Variants in SLC38A2 observed in about 807,000 individuals in gnomAD.
The protein encoded by SLC38A2 is sodium-coupled neutral amino acid symporter 2.
In SLC38A2, 11 loss-of-function variants were observed where a neutral mutation model predicts 61.5. The observed-to-expected ratio is 0.18, with a 90% CI of 0.11 to 0.30. The LOEUF is 0.30. SLC38A2 is among the 10% of genes least tolerant of loss of function. The pLI, the probability that SLC38A2 is intolerant of heterozygous loss-of-function variation, is 1.00. For synonymous variants in SLC38A2, 217 were observed against 212.5 expected (o/e 1.02, Z -0.18); for missense variants, 522 against 600.4 (o/e 0.87, Z 1.36).
In SLC38A2 at chr12:46,370,386, CTTTTAA is replaced by C. The variant is rs1943182369; in HGVS notation, c.314+120_314+125del. 4.3e-6 allele frequency: 3 copies of C among 705,624 alleles called. No individual in the cohort carries two copies. The Admixed American group carries it at 7.5e-5, about 18-fold the overall frequency. 43.7% of individuals were successfully genotyped at this position (705,624 alleles called of 1,614,324 possible). ...AAGAGATTTTTTGGGGTTTCTCATA[CTTTTAA>C]TTTTAAGCAAGTAACTTTTGAGTCA... On this transcript the variant is annotated intron_variant, in intron 4 of 15. Transcript: ENST00000256689.
intron 15 of SLC38A2, 136 bp downstream of exon 15, chr12:46,362,148 T>G: frequency 1.5e-6 from 1 of 676,342 alleles, no homozygotes; most frequent in Non-Finnish European, 2.4e-6. Context: ...ATCTGTGAAG[T>G]ATACCATTAC....
chr12:46,362,888 AG>A lies in SLC38A2; in HGVS notation c.1179+132del, dbSNP rs557813447. 4.1e-4 allele frequency: 476 copies of A among 1,162,902 alleles called. 1 individual carries two copies. Among genetic ancestry groups the A allele is most frequent in the African/African-American group, 3.9e-3 (250 of 63,630 alleles). 72.0% of individuals were successfully genotyped at this position (1,162,902 alleles called of 1,614,324 possible). On this transcript the variant is annotated intron_variant, in intron 13 of 15. Coordinates refer to ENST00000256689, the MANE Select transcript of SLC38A2 (RefSeq NM_018976.5). ...GAAAATATACACTGTATTTTTAAAA[AG>A]CCCCTTCAAAACCACCACCAACTTA...
In SLC38A2 at chr12:46,372,529, C is replaced by T; in HGVS notation, c.-107G>A. 3 of 389,440 alleles carry T rather than the reference C, an allele frequency of 7.7e-6. No individual in the cohort carries two copies. The Admixed American group carries it at 1.3e-4, about 17-fold the overall frequency. The allele number at this position is 389,440 out of a possible 1,614,324, so 24.1% of individuals were successfully genotyped here. On this transcript the variant is annotated 5_prime_UTR_variant, in exon 1 of 16. The change creates a new upstream start codon in the 5' untranslated region. Transcript: ENST00000256689. ...GTTACCTCGGTGGTCTCTATTCTCA[C>T]GCAGACGTCTTCAGTGGGTTTCTCT...
chr12:46,360,964 T>G lies in SLC38A2; in HGVS notation c.*147A>C. ...AAAAAAACAAAACAAAACAAAAAAGTTCACTTATTCTGCACTCAGAAGAAC... is the reference window on the plus strand; with the variant it reads ...AAAAAAACAAAACAAAACAAAAAAGGTCACTTATTCTGCACTCAGAAGAAC... On this transcript the variant is annotated 3_prime_UTR_variant, in exon 16 of 16. Transcript: ENST00000256689. 1.7e-6 allele frequency: 1 copy of G among 591,286 alleles called. No individual in the cohort carries two copies. 36.6% of individuals were successfully genotyped at this position (591,286 alleles called of 1,614,324 possible).
chr12:46,361,611 A>G (rs1168834194), intron 15 of SLC38A2, among the ~76,000 whole-genome samples: 1 of 152,148 alleles, frequency 6.6e-6, no homozygotes, highest in East Asian at 1.9e-4. Flanking sequence ...CTAATTCCTA[A>G]ATCCTACCCT....
chr12:46,368,964 C>T (rs1943166890), intron 4 of SLC38A2, among the ~76,000 whole-genome samples: 1 of 152,118 alleles, frequency 6.6e-6, no homozygotes, highest in African/African-American at 2.4e-5. Flanking sequence ...TTCCTCTATA[C>T]CTCTAAATAT....
chr12:46,364,372 T>A lies in SLC38A2; in HGVS notation c.873+17A>T. On this transcript the variant is annotated intron_variant, in intron 10 of 15. Coordinates refer to ENST00000256689, the MANE Select transcript of SLC38A2 (RefSeq NM_018976.5). The stretch of plus-strand genomic sequence containing the variant: ...TCCCTAAACTCTTCTTTTGAGAAAA[T>A]AAGCATATTTAGTTACCTGTGAGTT... 6.4e-7 allele frequency: 1 copy of A among 1,558,240 alleles called. No individual in the cohort carries two copies. The highest frequency in any genetic ancestry group is 1.4e-5 in the African/African-American group (1 of 72,344).
At chr12:46,372,102 C>T (rs1943209791) in intron 1 of SLC38A2, among the ~76,000 whole-genome samples, 1 of 152,238 alleles carries the variant, frequency 6.6e-6, no homozygotes, top group Non-Finnish European at 1.5e-5. Context: ...TCGTCTTCCC[C>T]AATCTTGGCC....
chr12:46,365,988 A>T (rs1428345813), intron 7 of SLC38A2, among the ~76,000 whole-genome samples: 3 of 152,176 alleles, frequency 2.0e-5, no homozygotes. Context: ...AGATCAGCTT[A>T]AAAAATTAAA....
At position 46,358,689 on chromosome 12, in the gene SLC38A2, CATT is replaced by C. The variant is rs1943048239; in HGVS notation, c.*2419_*2421del. 6.6e-6 allele frequency: 1 copy of C among 152,550 alleles called. No individual in the cohort carries two copies. Among genetic ancestry groups the C allele is most frequent in the Non-Finnish European group, 1.5e-5 (1 of 68,030 alleles). The allele number at this position is 152,550 out of a possible 1,614,324, so 9.4% of individuals were successfully genotyped here. On this transcript the variant is annotated 3_prime_UTR_variant, in exon 16 of 16. Transcript: ENST00000256689. ...ACTTGAACCCAAGACCCAAACCTGA[CATT>C]ATATACAACCTATTTACAAATACAT... is the stretch of plus-strand genomic sequence containing the variant.
chr12:46,371,161 G>T lies in SLC38A2; in HGVS notation c.116+17C>A, dbSNP rs1319998853. ...CCATGCAAGCCGTTTTTTCAAAAGT[G>T]TCACAACTTCTCCCACCTTTTCAGA... On this transcript the variant is annotated intron_variant, in intron 2 of 15. Transcript: ENST00000256689. 6.2e-7 allele frequency: 1 copy of T among 1,611,462 alleles called. No individual in the cohort carries two copies. The highest frequency in any genetic ancestry group is 8.5e-7 in the Non-Finnish European group (1 of 1,177,602).
rs1050336936 is a variant in SLC38A2, at chr12:46,360,436, A to C, written c.*675T>G. On this transcript the variant is annotated 3_prime_UTR_variant, in exon 16 of 16. Transcript: ENST00000256689. ...TTAAATGGAAAAAACTATGCTCCTA[A>C]TTCATGGTACAATTTTTCATTACAT... 3 of 152,162 alleles carry C rather than the reference A, an allele frequency of 2.0e-5. No individual in the cohort carries two copies. The highest frequency in any genetic ancestry group is 7.2e-5 in the African/African-American group (3 of 41,452). The allele number at this position is 152,162 out of a possible 1,614,324, so 9.4% of individuals were successfully genotyped here. A position where few individuals can be genotyped will look rare whatever the true frequency, so the allele number is the denominator to read the frequency against.
intron 12 of SLC38A2, 42 bp downstream of exon 12, chr12:46,363,684 T>C: frequency 7.7e-7 from 1 of 1,299,552 alleles, no homozygotes; most frequent in Non-Finnish European, 1.1e-6. Context: ...AAGCGTTTTT[T>C]TTTGTTTTTG....
At chr12:46,368,940 G>C (rs1193271559) in intron 4 of SLC38A2, among the ~76,000 whole-genome samples, 1 of 152,146 alleles carries the variant, frequency 6.6e-6, no homozygotes, top group East Asian at 1.9e-4. Context: ...CAGCCATGTG[G>C]TTTTTGGCCC....
intron 1 of SLC38A2, among the ~76,000 whole-genome samples, chr12:46,372,042 G>A (rs1943209109): frequency 6.6e-6 from 1 of 152,140 alleles, no homozygotes. Flanking sequence ...TCCTATGTCC[G>A]GAAAGAAAAC....
Position 46,362,334 on chromosome 12 carries a change from A to G in SLC38A2, c.1372T>C (p.Tyr458His). The G allele has an allele frequency of 6.2e-7, 1 of 1,612,318 alleles. No homozygotes were observed. Among genetic ancestry groups the G allele is most frequent in the Non-Finnish European group, 8.5e-7 (1 of 1,179,144 alleles). ...GGTTCTTTCTTCACCAACTTGATAT[A>G]GAAGGCAGAAGGAAGAATAAAAATC... ...MLIFILPSAF[Y>H]IKLVKKEPMK... is the part of the protein sequence containing the mutation. Residue 458 changes from tyrosine to histidine, a missense_variant, in exon 15 of 16, where the codon TAT becomes CAT. Tyr to His is a moderately conservative substitution (Grantham distance 83). Coordinates refer to ENST00000256689, the MANE Select transcript of SLC38A2 (RefSeq NM_018976.5).
Position 46,358,932 on chromosome 12 carries a change from T to C in SLC38A2, c.*2179A>G, listed in dbSNP as rs1312363151. ...TTCAGGAACCTCAAGGTAGACAAGATAGCTCCCAGAAAATCATCCATTGGA... is the reference window on the plus strand; with the variant it reads ...TTCAGGAACCTCAAGGTAGACAAGACAGCTCCCAGAAAATCATCCATTGGA... On this transcript the variant is annotated 3_prime_UTR_variant, in exon 16 of 16. Coordinates refer to ENST00000256689, the MANE Select transcript of SLC38A2 (RefSeq NM_018976.5). 1 of 152,556 alleles carries C rather than the reference T, an allele frequency of 6.6e-6. No individual in the cohort carries two copies. The highest frequency in any genetic ancestry group is 1.5e-5 in the Non-Finnish European group (1 of 68,012). 9.5% of individuals were successfully genotyped at this position (152,556 alleles called of 1,614,324 possible). A position where few individuals can be genotyped will look rare whatever the true frequency, so the allele number is the denominator to read the frequency against.
chr12:46,364,583 T>A, intron 9 of SLC38A2, 27 bp from the exon 10 acceptor site: 1 of 1,600,618 alleles, frequency 6.2e-7, no homozygotes, highest in South Asian at 1.1e-5. Flanking sequence ...TTGCATGTGT[T>A]AAACTAAGTG....
rs372386653 is a variant in SLC38A2, at chr12:46,361,289, C to G, written c.1423-80G>C. On this transcript the variant is annotated intron_variant, in intron 15 of 15. Coordinates refer to ENST00000256689, the MANE Select transcript of SLC38A2 (RefSeq NM_018976.5). ...CATTTCTTCTATTTTTTGAAATGTG[C>G]TTTAATTACTAAAATCTATCCACTA... The G allele has an allele frequency of 7.2e-6, 8 of 1,103,710 alleles. No individual in the cohort carries two copies. In the South Asian group the frequency reaches 8.1e-5, roughly 11 times the overall value. 68.4% of individuals were successfully genotyped at this position (1,103,710 alleles called of 1,614,324 possible). A position where few individuals can be genotyped will look rare whatever the true frequency, so the allele number is the denominator to read the frequency against.
Sources: allele counts gnomAD v4.1 joint callset (sites outside exome capture counted in the v4.1 genomes callset), GRCh38; gene constraint gnomAD v4.1.1; transcripts MANE v1.5; gene names NCBI Gene and HGNC (gene_info 2026-07-23, HGNC 2026-07-21).